SPPL3: variants seen among roughly 807,000 people sequenced by gnomAD.
The protein encoded by SPPL3 is signal peptide peptidase like 3, also known as signal peptide peptidase-like 3.
In SPPL3, 5 loss-of-function variants were observed where a neutral mutation model predicts 42.4. The observed-to-expected ratio is 0.12, with a 90% CI of 0.06 to 0.25. The LOEUF (loss-of-function observed/expected upper bound fraction) is 0.25, where lower values mean the gene tolerates loss of function less well. Ranked by LOEUF, SPPL3 falls within the 10% of genes least tolerant of loss-of-function variation. The probability of loss-of-function intolerance (pLI) is 1.00; values close to 1 mark genes in which losing one functional copy is unlikely to be tolerated. For synonymous variants in SPPL3, 195 were observed against 181.8 expected (o/e 1.07, Z -0.58); for missense variants, 235 against 489.0 (o/e 0.48, Z 4.90).
chr12:120,772,045 C>T (rs779364658), intron 6 of SPPL3, among the ~76,000 whole-genome samples: 6 of 152,060 alleles, frequency 3.9e-5, no homozygotes, highest in Non-Finnish European at 8.8e-5. Flanking sequence ...TTTTTTGAGA[C>T]AGAGTTTTGC....
chr12:120,779,547 G>A (rs1490247530), intron 6 of SPPL3, among the ~76,000 whole-genome samples: 1 of 152,004 alleles, frequency 6.6e-6, no homozygotes, highest in South Asian at 2.1e-4. Context: ...CTTCTCTTTG[G>A]AACCACCAAA....
intron 1 of SPPL3, among the ~76,000 whole-genome samples, chr12:120,820,639 T>C (rs1251995395): frequency 6.6e-6 from 1 of 151,962 alleles, no homozygotes; most frequent in African/African-American, 2.4e-5. Context: ...TAGTCTAACA[T>C]TATAATGTTG....
intron 1 of SPPL3, among the ~76,000 whole-genome samples, chr12:120,871,130 C>CAAAAAAAAAA (rs71453512): frequency 0.059 from 3,067 of 51,586 alleles, 501 homozygotes; most frequent in South Asian, 0.12. Flanking sequence ...ACTCCGTCTC[C>CAAAAAAAAAA]AAAAAAAAAA....
At chr12:120,841,668 T>C (rs61946363) in intron 1 of SPPL3, among the ~76,000 whole-genome samples, 2,339 of 152,320 alleles carry the variant, frequency 0.015, 27 homozygotes, top group Middle Eastern at 0.065. Context: ...AACGTATTAA[T>C]TGGCCAAGTC....
chr12:120,839,497 TTAAAG>T (rs1209884647), intron 1 of SPPL3, among the ~76,000 whole-genome samples: 1 of 151,964 alleles, frequency 6.6e-6, no homozygotes, highest in African/African-American at 2.4e-5. Flanking sequence ...ACCCTAAAAC[TTAAAG>T]TATAATAATA....
At chr12:120,869,151 T>A (rs1468963843) in intron 1 of SPPL3, among the ~76,000 whole-genome samples, 2 of 152,200 alleles carry the variant, frequency 1.3e-5, no homozygotes, top group Non-Finnish European at 2.9e-5. Context: ...TATAATAAAA[T>A]GCTTGCATCA....
At chr12:120,867,359 G>T (rs1179364345) in intron 1 of SPPL3, among the ~76,000 whole-genome samples, 4 of 152,094 alleles carry the variant, frequency 2.6e-5, no homozygotes. Context: ...GAACTACAAA[G>T]GACCATCAAA....
chr12:120,899,698 CTGGCTAACA>C (rs1329520268), intron 1 of SPPL3, among the ~76,000 whole-genome samples: 1 of 151,674 alleles, frequency 6.6e-6, no homozygotes, highest in Non-Finnish European at 1.5e-5. Flanking sequence ...CAAGACCATC[CTGGCTAACA>C]TGGTGAAATC....
chr12:120,791,942 T>A, intron 2 of SPPL3: 1 of 209,476 alleles, frequency 4.8e-6, no homozygotes, highest in South Asian at 7.7e-5. Flanking sequence ...CTCAGCAGTG[T>A]ATGAGAGCAC....
At chr12:120,864,882 A>C (rs1459291456) in intron 1 of SPPL3, among the ~76,000 whole-genome samples, 1 of 152,174 alleles carries the variant, frequency 6.6e-6, no homozygotes, top group East Asian at 1.9e-4. Flanking sequence ...CGCATTCTTA[A>C]GTGAAACTGG....
At chr12:120,852,727 T>TC (rs1168815784) in intron 1 of SPPL3, among the ~76,000 whole-genome samples, 847 of 44,938 alleles carry the variant, frequency 0.019, 94 homozygotes, top group South Asian at 0.058. Flanking sequence ...ATTTTATATA[T>TC]AATATACATA....
chr12:120,844,311 A>C (rs977901701), intron 1 of SPPL3, among the ~76,000 whole-genome samples: 10 of 152,300 alleles, frequency 6.6e-5, no homozygotes, highest in African/African-American at 2.4e-4. Flanking sequence ...TTAGCACCCT[A>C]ATTCAAGTCA....
chr12:120,840,755 T>G (rs1398119132), intron 1 of SPPL3, among the ~76,000 whole-genome samples: 1 of 151,870 alleles, frequency 6.6e-6, no homozygotes, highest in Non-Finnish European at 1.5e-5. Flanking sequence ...TGGCTTGAGC[T>G]TGGGAGGCGG....
intron 2 of SPPL3, among the ~76,000 whole-genome samples, chr12:120,797,272 ACT>A (rs1333282732): frequency 6.6e-6 from 1 of 151,386 alleles, no homozygotes; most frequent in Non-Finnish European, 1.5e-5. Context: ...TTTCTTTTGT[ACT>A]CTGTTCTATT....
At chr12:120,830,293 GA>G (rs761419574) in intron 1 of SPPL3, among the ~76,000 whole-genome samples, 15 of 3,136 alleles carry the variant, frequency 4.8e-3, no homozygotes, top group Non-Finnish European at 9.6e-3. Flanking sequence ...AGGGAGAGGG[GA>G]GGGGGAAGGA....
chr12:120,799,601 A>C (rs1870221715), intron 2 of SPPL3, among the ~76,000 whole-genome samples: 1 of 152,188 alleles, frequency 6.6e-6, no homozygotes, highest in South Asian at 2.1e-4. Context: ...ACTGGTAAGG[A>C]GAGCAAGCAT....
chr12:120,815,447 G>C (rs1566049683), intron 1 of SPPL3, among the ~76,000 whole-genome samples: 1 of 152,058 alleles, frequency 6.6e-6, no homozygotes, highest in South Asian at 2.1e-4. Flanking sequence ...GCAATTTAAA[G>C]TTTTCTCCAG....
chr12:120,903,726 A>T, intron 1 of SPPL3, 119 bp downstream of exon 1: 1 of 509,676 alleles, frequency 2.0e-6, no homozygotes, highest in Non-Finnish European at 3.0e-6. Flanking sequence ...GTGCACCCCA[A>T]CCCGCGCCCC....
intron 1 of SPPL3, among the ~76,000 whole-genome samples, chr12:120,856,538 G>A (rs1451532878): frequency 1.5e-5 from 2 of 136,584 alleles, no homozygotes; most frequent in Admixed American, 7.6e-5. Flanking sequence ...GAGACAGAGC[G>A]AGACTCCGTC....
Sources: gnomAD v4.1 joint callset for allele counts (sites outside exome capture counted in the v4.1 genomes callset) on GRCh38, gnomAD v4.1.1 for gene constraint, MANE v1.5 for transcripts, NCBI Gene and HGNC (gene_info 2026-07-23, HGNC 2026-07-21) for gene names.